ADGRB3: variants seen among roughly 807,000 people sequenced by gnomAD.
The protein encoded by ADGRB3 is adhesion G protein-coupled receptor B3, also known as brain-specific angiogenesis inhibitor 3.
In ADGRB3, 37 loss-of-function variants were observed where a neutral mutation model predicts 193.4. The ratio of observed to expected loss-of-function variants is 0.19; its 90% CI spans 0.15 to 0.25. ADGRB3 has a LOEUF of 0.25. ADGRB3 is among the 10% of genes least tolerant of loss of function. The probability of loss-of-function intolerance (pLI) is 1.00; values close to 1 mark genes in which losing one functional copy is unlikely to be tolerated. For synonymous variants in ADGRB3, 690 were observed against 644.2 expected, an observed-to-expected ratio of 1.07 and a Z score of -1.08; for missense variants, 1,637 against 1,852.9, an observed-to-expected ratio of 0.88 and a Z score of 2.14.
At chr6:69,074,824 C>T (rs901398539) in intron 16 of ADGRB3, among the ~76,000 whole-genome samples, 13 of 152,082 alleles carry the variant, frequency 8.5e-5, no homozygotes, top group African/African-American at 3.1e-4. Context: ...GGATTACAGG[C>T]GTGAGCCACT....
At chr6:69,174,963 C>T (rs779493) in intron 17 of ADGRB3, among the ~76,000 whole-genome samples, 109,807 of 152,084 alleles carry the variant, frequency 0.72, 41,934 homozygotes, top group African/African-American at 0.93. Context: ...GACTTATTTG[C>T]TTTTTGCTTG....
intron 20 of ADGRB3, among the ~76,000 whole-genome samples, chr6:69,295,104 A>G (rs1340234130): frequency 2.0e-5 from 3 of 152,176 alleles, no homozygotes; most frequent in Non-Finnish European, 4.4e-5. Flanking sequence ...AAGGGAAGGT[A>G]ATCAACTTTA....
chr6:68,858,224 G>A (rs1410779723), intron 3 of ADGRB3, among the ~76,000 whole-genome samples: 2 of 152,140 alleles, frequency 1.3e-5, no homozygotes, highest in African/African-American at 2.4e-5. Flanking sequence ...TCAAAACCTG[G>A]CCAGGCACTG....
chr6:69,051,265 T>G (rs1449393757), intron 15 of ADGRB3, among the ~76,000 whole-genome samples: 1 of 152,182 alleles, frequency 6.6e-6, no homozygotes, highest in African/African-American at 2.4e-5. Flanking sequence ...ATAAAGGGAT[T>G]CAGATAGACC....
intron 3 of ADGRB3, among the ~76,000 whole-genome samples, chr6:68,839,112 T>C (rs1444537845): frequency 1.0e-5 from 1 of 96,374 alleles, no homozygotes; most frequent in African/African-American, 3.8e-5. Context: ...ACACACACAT[T>C]CCCACATACA....
At chr6:69,339,122 T>C in intron 25 of ADGRB3, 108 bp downstream of exon 25, 1 of 1,211,534 alleles carries the variant, frequency 8.3e-7, no homozygotes, top group Non-Finnish European at 1.2e-6. Context: ...CCAGAGAGTA[T>C]ATTTAAATAT....
At chr6:69,153,829 TA>T (rs1774748888) in intron 17 of ADGRB3, among the ~76,000 whole-genome samples, 1 of 151,938 alleles carries the variant, frequency 6.6e-6, no homozygotes, top group Non-Finnish European at 1.5e-5. Context: ...CCATCTCTAC[TA>T]AAAATACAAA....
intron 3 of ADGRB3, among the ~76,000 whole-genome samples, chr6:68,850,420 A>G (rs1049005675): frequency 6.6e-6 from 1 of 151,872 alleles, no homozygotes; most frequent in Non-Finnish European, 1.5e-5. Flanking sequence ...ACGTTGTTTT[A>G]TCACCTCTTG....
chr6:69,120,975 G>A (rs974741158), intron 17 of ADGRB3, among the ~76,000 whole-genome samples: 5 of 134,190 alleles, frequency 3.7e-5, no homozygotes, highest in Admixed American at 2.9e-4. Context: ...ATATGAATTT[G>A]TTTCTCCAAG....
At chr6:68,727,396 G>A (rs548957013) in intron 3 of ADGRB3, among the ~76,000 whole-genome samples, 5 of 151,668 alleles carry the variant, frequency 3.3e-5, no homozygotes, top group African/African-American at 9.6e-5. Flanking sequence ...GTCATTGAAT[G>A]TAATTAAGGT....
chr6:69,378,608 T>A (rs1219918643), intron 30 of ADGRB3, among the ~76,000 whole-genome samples: 1 of 152,064 alleles, frequency 6.6e-6, no homozygotes, highest in Non-Finnish European at 1.5e-5. Flanking sequence ...TATCCTTTTT[T>A]AAATCTTCAA....
At chr6:69,058,764 CTTAGTAT>C (rs1055120080) in intron 15 of ADGRB3, among the ~76,000 whole-genome samples, 8 of 151,914 alleles carry the variant, frequency 5.3e-5, no homozygotes, top group Non-Finnish European at 8.8e-5. Context: ...CAGTGTTTTT[CTTAGTAT>C]TGAGTTCTAG....
At chr6:69,332,083 A>G in intron 23 of ADGRB3, 1 of 985,372 alleles carries the variant, frequency 1.0e-6, no homozygotes, top group South Asian at 4.7e-5. Flanking sequence ...AAAGAAGAAC[A>G]TATTTTTCAT....
At chr6:69,332,593 A>C in intron 23 of ADGRB3, 1 of 985,384 alleles carries the variant, frequency 1.0e-6, no homozygotes, top group Non-Finnish European at 1.2e-6. Flanking sequence ...TAGCCAAATG[A>C]TTTTACTCAG....
rs183108139 is a variant in ADGRB3, at chr6:68,956,522, A to C, written c.1361-123A>C. 6.4e-6 allele frequency: 8 copies of C among 1,241,496 alleles called. No individual in the cohort carries two copies. The Admixed American group carries it at 1.1e-4, about 17-fold the overall frequency. 76.9% of individuals were successfully genotyped at this position (1,241,496 alleles called of 1,614,324 possible). On this transcript the variant is annotated intron_variant, in intron 7 of 31. Coordinates refer to ENST00000370598, the MANE Select transcript of ADGRB3 (RefSeq NM_001704.3). Reference sequence around the variant, plus strand: ...TTTGACCTGTAAGTTAAATATTTGAATAAGGTTTATTCACAGTAGTAGATT... The same window carrying C: ...TTTGACCTGTAAGTTAAATATTTGACTAAGGTTTATTCACAGTAGTAGATT...
At chr6:68,930,493 G>T in intron 3 of ADGRB3, 66 bp from the exon 4 acceptor site, 1 of 1,073,952 alleles carries the variant, frequency 9.3e-7, no homozygotes, top group Non-Finnish European at 1.4e-6. Context: ...TATTGCATGA[G>T]ACAGTAATGT....
intron 3 of ADGRB3, among the ~76,000 whole-genome samples, chr6:68,877,970 T>G (rs1039811427): frequency 6.6e-6 from 1 of 152,128 alleles, no homozygotes; most frequent in Non-Finnish European, 1.5e-5. Flanking sequence ...CATTAAGATA[T>G]ATAATCAAGG....
intron 20 of ADGRB3, among the ~76,000 whole-genome samples, chr6:69,257,500 T>C (rs946949795): frequency 6.6e-6 from 1 of 152,192 alleles, no homozygotes. Flanking sequence ...TAGAGGTGTT[T>C]GTAGTATTCT....
intron 3 of ADGRB3, among the ~76,000 whole-genome samples, chr6:68,901,444 T>G (rs919029282): frequency 6.6e-6 from 1 of 152,168 alleles, no homozygotes; most frequent in African/African-American, 2.4e-5. Context: ...CATCATTACC[T>G]CTGCAATACT....
Sources: allele counts gnomAD v4.1 joint callset (sites outside exome capture counted in the v4.1 genomes callset), GRCh38; gene constraint gnomAD v4.1.1; transcripts MANE v1.5; gene names NCBI Gene and HGNC (gene_info 2026-07-23, HGNC 2026-07-21).